The following DNAAF9 variants were observed in gnomAD, a reference collection of about 807,000 sequenced individuals.
DNAAF9 encodes the protein shulin.
In DNAAF9, 90 loss-of-function variants were observed where a neutral mutation model predicts 167.0. That is an observed-to-expected ratio of 0.54 (90% confidence interval 0.45 to 0.64). The LOEUF is 0.64. Among genes scored for constraint, DNAAF9 ranks in the 30% least tolerant of loss-of-function variants. DNAAF9 has a pLI of 0.00. For synonymous variants in DNAAF9, 491 were observed against 508.8 expected, an observed-to-expected ratio of 0.96 and a Z score of 0.47; for missense variants, 1,315 against 1,442.2, an observed-to-expected ratio of 0.91 and a Z score of 1.43.
intron 3 of DNAAF9, among the ~76,000 whole-genome samples, chr20:3,378,670 A>T (rs1396516958): frequency 6.6e-6 from 1 of 152,180 alleles, no homozygotes; most frequent in Non-Finnish European, 1.5e-5. Flanking sequence ...CAGAGGTAAG[A>T]AAGGCACACG....
At position 3,339,081 on chromosome 20, in the gene DNAAF9, C is replaced by T. The variant is rs75222156; in HGVS notation, c.981+1423G>A. ...GGATATGTCTGCTCTACTGATAAGC[C>T]CATTAAAGGTATGCTTTGCTTCTAT... On this transcript the variant is annotated intron_variant, in intron 10 of 36. Coordinates refer to ENST00000252032, the MANE Select transcript of DNAAF9 (RefSeq NM_001009984.3). Among the ~76,000 whole-genome samples the T allele has an allele frequency of 9.0e-3, 1,377 of 152,158 alleles. 20 individuals are homozygous for T. The highest frequency in any genetic ancestry group is 0.032 in the African/African-American group (1,318 of 41,502).
intron 1 of DNAAF9, among the ~76,000 whole-genome samples, chr20:3,401,637 A>G (rs1362388142): frequency 6.6e-6 from 1 of 152,200 alleles, no homozygotes; most frequent in East Asian, 1.9e-4. Context: ...GCAGTGTTTC[A>G]TAATAGCTAA....
intron 35 of DNAAF9, among the ~76,000 whole-genome samples, chr20:3,254,952 G>T (rs966473660): frequency 6.6e-6 from 1 of 152,222 alleles, no homozygotes; most frequent in South Asian, 2.1e-4. Context: ...AGGTGCCAAG[G>T]CAGGGCTTCT....
At chr20:3,338,675 G>T (rs1301034804) in intron 10 of DNAAF9, among the ~76,000 whole-genome samples, 4 of 133,196 alleles carry the variant, frequency 3.0e-5, no homozygotes, top group Non-Finnish European at 4.7e-5. Flanking sequence ...TTTCTGAGAC[G>T]GAGTTTTGCT....
intron 29 of DNAAF9, among the ~76,000 whole-genome samples, chr20:3,272,517 C>T (rs1296951302): frequency 2.0e-5 from 3 of 152,166 alleles, no homozygotes; most frequent in East Asian, 1.9e-4. Context: ...GCGTGAGCCA[C>T]GGCACCCAGC....
intron 35 of DNAAF9, 82 bp from the exon 36 acceptor site, chr20:3,253,901 C>T: frequency 1.2e-6 from 1 of 831,748 alleles, no homozygotes; most frequent in Non-Finnish European, 2.0e-6. Context: ...AAGTCTATTT[C>T]CCTAGCAAGA....
rs114212189 is a variant in DNAAF9, at chr20:3,287,882, T to A, written c.2328-92A>T. On this transcript the variant is annotated intron_variant, in intron 26 of 36. Coordinates refer to ENST00000252032, the MANE Select transcript of DNAAF9 (RefSeq NM_001009984.3). ...TGGATTCAAATGTGACCATGAGTCCTAAAGCCATTCTGCCCAGTGAATCCA... is the reference window on the plus strand; with the variant it reads ...TGGATTCAAATGTGACCATGAGTCCAAAAGCCATTCTGCCCAGTGAATCCA... 707 of 1,151,212 alleles carry A rather than the reference T, an allele frequency of 6.1e-4. 4 individuals are homozygous for A. In the African/African-American group the frequency reaches 9.6e-3, roughly 16 times the overall value. The allele number at this position is 1,151,212 out of a possible 1,614,324, so 71.3% of individuals were successfully genotyped here. A position where few individuals can be genotyped will look rare whatever the true frequency, so the allele number is the denominator to read the frequency against.
intron 13 of DNAAF9, among the ~76,000 whole-genome samples, chr20:3,325,951 A>G (rs1196623211): frequency 6.6e-6 from 1 of 151,878 alleles, no homozygotes; most frequent in Non-Finnish European, 1.5e-5. Flanking sequence ...CTACAGAATG[A>G]TTTTTCCTTA....
Position 3,315,834 on chromosome 20 carries a change from A to T in DNAAF9, c.1540-49T>A. Reference sequence around the variant, plus strand: ...TTTCAGTCAACTACTTCAAGGGAAAACCCTGCTAGGTCTCCCCACTGTGTT... The same window carrying T: ...TTTCAGTCAACTACTTCAAGGGAAATCCCTGCTAGGTCTCCCCACTGTGTT... On this transcript the variant is annotated intron_variant, in intron 18 of 36. Coordinates refer to ENST00000252032, the MANE Select transcript of DNAAF9 (RefSeq NM_001009984.3). The surrounding 1 kb of genome is among the most constrained non-coding windows in gnomAD (Gnocchi z 4.1). 7.2e-7 allele frequency: 1 copy of T among 1,382,030 alleles called. No individual in the cohort carries two copies. The highest frequency in any genetic ancestry group is 1.0e-6 in the Non-Finnish European group (1 of 968,286). 85.6% of individuals were successfully genotyped at this position (1,382,030 alleles called of 1,614,324 possible).
Position 3,265,485 on chromosome 20 carries a change from T to C in DNAAF9, c.2787-961A>G, listed in dbSNP as rs1198114255. On this transcript the variant is annotated intron_variant, in intron 30 of 36. Transcript: ENST00000252032. ...AGGAGGCCGAGGCAGGAGAATCACT[T>C]GAACCCAGGAGGTGGAGAGGTGGAG... 2.8e-5 allele frequency among the ~76,000 whole-genome samples: 4 copies of C among 145,360 alleles called. No homozygotes were observed. In the Admixed American group the frequency reaches 2.8e-4, roughly 10 times the overall value.
intron 22 of DNAAF9, 65 bp from the exon 23 acceptor site, chr20:3,297,014 G>A (rs2069092598): frequency 1.1e-6 from 1 of 883,558 alleles, no homozygotes; most frequent in South Asian, 1.4e-5. Flanking sequence ...GAAGCCACAT[G>A]GGGATTTGAT....
At chr20:3,312,636 T>G (rs1206768329) in intron 20 of DNAAF9, among the ~76,000 whole-genome samples, 1 of 152,112 alleles carries the variant, frequency 6.6e-6, no homozygotes, top group Admixed American at 6.6e-5. Context: ...TAAAGACACT[T>G]GAACTTCAGG....
intron 1 of DNAAF9, among the ~76,000 whole-genome samples, chr20:3,384,981 T>C (rs1000851355): frequency 6.6e-6 from 1 of 151,928 alleles, no homozygotes; most frequent in Non-Finnish European, 1.5e-5. Context: ...TATATGAATG[T>C]ACCCTGAAAA....
intron 29 of DNAAF9, among the ~76,000 whole-genome samples, chr20:3,272,380 C>T (rs939801613): frequency 1.3e-5 from 2 of 152,180 alleles, no homozygotes; most frequent in African/African-American, 4.8e-5. Context: ...GTGCGTGCCA[C>T]CATGCTTGGC....
chr20:3,371,613 G>C (rs1051512621), intron 6 of DNAAF9, among the ~76,000 whole-genome samples: 1 of 152,106 alleles, frequency 6.6e-6, no homozygotes, highest in African/African-American at 2.4e-5. Flanking sequence ...AAAGTGCTGG[G>C]ATTACAGGTG....
chr20:3,302,563 C>A (rs2069209553), intron 21 of DNAAF9, among the ~76,000 whole-genome samples: 1 of 152,116 alleles, frequency 6.6e-6, no homozygotes, highest in Non-Finnish European at 1.5e-5. Context: ...ATTAGTCTGA[C>A]AAATTTTATG....
chr20:3,294,341 T>C, intron 24 of DNAAF9, 85 bp from the exon 25 acceptor site: 4 of 945,224 alleles, frequency 4.2e-6, no homozygotes, highest in East Asian at 4.8e-5. Flanking sequence ...TTTTACTTAA[T>C]TGCTGAAAAA....
chr20:3,253,642 A>G (rs1291790719), intron 36 of DNAAF9, 84 bp downstream of exon 36: 1 of 832,962 alleles, frequency 1.2e-6, no homozygotes, highest in African/African-American at 1.7e-5. Flanking sequence ...TGGCTCTGGC[A>G]GACAACCGCT....
chr20:3,304,031 G>C lies in DNAAF9; in HGVS notation c.1782+409C>G, dbSNP rs562101638. Among the ~76,000 whole-genome samples, 10 of 152,168 alleles carry C rather than the reference G, an allele frequency of 6.6e-5. No individual in the cohort carries two copies. In the East Asian group the frequency reaches 1.9e-3, roughly 29 times the overall value. On this transcript the variant is annotated intron_variant, in intron 21 of 36. Transcript: ENST00000252032. ...TCCTGTCCATGCTAATGTGTATGCT[G>C]AGCCTCATCAATACCACAGGATGCA...
Sources: allele counts gnomAD v4.1 joint callset (sites outside exome capture counted in the v4.1 genomes callset), GRCh38; gene constraint gnomAD v4.1.1; non-coding constraint Gnocchi (gnomAD v3.1); transcripts MANE v1.5; gene names NCBI Gene and HGNC (gene_info 2026-07-23, HGNC 2026-07-21).